LY86: variants seen among roughly 807,000 people sequenced by gnomAD.
The protein encoded by LY86 is MD-1, RP105-associated.
A neutral mutation model predicts 17.3 loss-of-function variants in LY86; 20 were observed. The ratio of observed to expected loss-of-function variants is 1.15; its 90% CI spans 0.81 to 1.68. The LOEUF (loss-of-function observed/expected upper bound fraction) is 1.68. LY86 is among the 40% of genes most tolerant of loss of function. The pLI, the probability that LY86 is intolerant of heterozygous loss-of-function variation, is 0.00. For missense variants in LY86, 200 were observed against 191.9 expected (o/e 1.04, Z -0.25); for synonymous variants, 74 against 70.6 (o/e 1.05, Z -0.24).
chr6:6,613,633 C>CA (rs2113123286), intron 1 of LY86, among the ~76,000 whole-genome samples: 1 of 152,338 alleles, frequency 6.6e-6, no homozygotes, highest in South Asian at 2.1e-4. Flanking sequence ...CTTCCCCCTT[C>CA]ATATCTCCCC....
intron 1 of LY86, among the ~76,000 whole-genome samples, chr6:6,623,931 T>A (rs1761731502): frequency 6.6e-6 from 1 of 152,060 alleles, no homozygotes; most frequent in South Asian, 2.1e-4. Flanking sequence ...AAGTGCAGAG[T>A]GATACATGTT....
chr6:6,623,747 T>C (rs982920890), intron 1 of LY86, among the ~76,000 whole-genome samples: 1 of 152,222 alleles, frequency 6.6e-6, no homozygotes, highest in African/African-American at 2.4e-5. Flanking sequence ...AAGGCTCAGC[T>C]ATTAGTACAA....
At chr6:6,634,657 G>C (rs1278850873) in intron 3 of LY86, among the ~76,000 whole-genome samples, 2 of 152,190 alleles carry the variant, frequency 1.3e-5, no homozygotes, top group African/African-American at 4.8e-5. Flanking sequence ...ACTAGGACCT[G>C]TGATCCTCCC....
chr6:6,597,353 A>G (rs1760746676), intron 1 of LY86, among the ~76,000 whole-genome samples: 1 of 152,162 alleles, frequency 6.6e-6, no homozygotes, highest in African/African-American at 2.4e-5. Flanking sequence ...TCCTAATTAG[A>G]GCAGTCAGAA....
chr6:6,630,103 CT>C (rs947869689), intron 3 of LY86, among the ~76,000 whole-genome samples: 1 of 152,074 alleles, frequency 6.6e-6, no homozygotes, highest in African/African-American at 2.4e-5. Flanking sequence ...TTATTTTTGT[CT>C]TTTTTGGAAA....
chr6:6,612,341 G>C (rs183734224), intron 1 of LY86, among the ~76,000 whole-genome samples: 22 of 152,336 alleles, frequency 1.4e-4, no homozygotes, highest in African/African-American at 5.1e-4. Flanking sequence ...CTCGCAGTAA[G>C]CATTACACTT....
chr6:6,597,425 C>T (rs1561775194), intron 1 of LY86, among the ~76,000 whole-genome samples: 2 of 152,188 alleles, frequency 1.3e-5, no homozygotes, highest in Admixed American at 1.3e-4. Flanking sequence ...CCTCCAAAAC[C>T]TGAACAAGGC....
intron 1 of LY86, chr6:6,622,724 T>C (rs1761707800): frequency 7.2e-6 from 1 of 138,284 alleles, no homozygotes; most frequent in Non-Finnish European, 1.6e-5. Context: ...ATGTGGATGA[T>C]AAAACTGTCT....
intron 1 of LY86, among the ~76,000 whole-genome samples, chr6:6,589,215 G>C (rs1434785002): frequency 1.3e-5 from 2 of 152,214 alleles, no homozygotes; most frequent in Non-Finnish European, 2.9e-5. Flanking sequence ...ATTAGGAAAA[G>C]CAGCTTCCAG....
intron 3 of LY86, among the ~76,000 whole-genome samples, chr6:6,640,880 T>C (rs970747865): frequency 1.3e-5 from 2 of 152,172 alleles, no homozygotes; most frequent in African/African-American, 4.8e-5. Flanking sequence ...TGTTTTCAAG[T>C]TGTAAATAAC....
At chr6:6,651,533 G>C (rs903861892) in intron 4 of LY86, among the ~76,000 whole-genome samples, 2 of 152,052 alleles carry the variant, frequency 1.3e-5, no homozygotes, top group East Asian at 3.8e-4. Flanking sequence ...TAGTATGAGG[G>C]CCCTAAACTC....
At chr6:6,606,616 C>T (rs1342869872) in intron 1 of LY86, among the ~76,000 whole-genome samples, 2 of 152,208 alleles carry the variant, frequency 1.3e-5, no homozygotes, top group Admixed American at 6.5e-5. Context: ...AGCCCTGCCA[C>T]GCGGGGAGGA....
intron 1 of LY86, among the ~76,000 whole-genome samples, chr6:6,605,935 T>C (rs1008302955): frequency 6.6e-6 from 1 of 152,154 alleles, no homozygotes; most frequent in Non-Finnish European, 1.5e-5. Flanking sequence ...ACCTTCACAG[T>C]ATGGGTTATA....
rs369059581 is a variant in LY86, at chr6:6,588,740, G to C, written c.6G>C (p.Lys2Asn). The C allele has an allele frequency of 6.2e-6, 10 of 1,613,948 alleles. No individual in the cohort carries two copies. The highest frequency in any genetic ancestry group is 8.5e-6 in the Non-Finnish European group (10 of 1,179,984). The change falls in exon 1 of 5, where the codon AAG becomes AAC. Residue 2 changes from lysine to asparagine, a missense_variant. Physicochemically the swap from Lys to Asn is moderately conservative, Grantham distance 94. Transcript: ENST00000230568. ...GTCCCATACAGGCCCCCACCATGAA[G>C]GGTTTCACAGCCACTCTCTTCCTCT... is the stretch of plus-strand genomic sequence containing the variant. The part of the protein sequence containing the change: M[K>N]GFTATLFLWT...
intron 1 of LY86, among the ~76,000 whole-genome samples, chr6:6,593,292 C>T (rs1372442815): frequency 6.6e-6 from 1 of 152,244 alleles, no homozygotes; most frequent in Non-Finnish European, 1.5e-5. Flanking sequence ...TTCCTTCTAT[C>T]ATCACATGGC....
At chr6:6,615,040 C>T (rs1358674032) in intron 1 of LY86, among the ~76,000 whole-genome samples, 2 of 152,170 alleles carry the variant, frequency 1.3e-5, no homozygotes, top group African/African-American at 2.4e-5. Context: ...CTTAGGACAT[C>T]TATGAAGGGG....
intron 3 of LY86, among the ~76,000 whole-genome samples, chr6:6,639,141 C>T (rs2064235): frequency 0.32 from 48,991 of 151,348 alleles, 8,039 homozygotes; most frequent in Middle Eastern, 0.42. Flanking sequence ...AGGGATGAAA[C>T]TGGAAATCAT....
chr6:6,617,455 A>G (rs1419584019), intron 1 of LY86, among the ~76,000 whole-genome samples: 2 of 152,206 alleles, frequency 1.3e-5, no homozygotes, highest in African/African-American at 4.8e-5. Flanking sequence ...TGAGACTATA[A>G]TGTGTTGACT....
chr6:6,636,781 T>C (rs889285446), intron 3 of LY86, among the ~76,000 whole-genome samples: 7 of 152,074 alleles, frequency 4.6e-5, no homozygotes, highest in Admixed American at 4.6e-4. Flanking sequence ...ACTTCAATGG[T>C]AGATTTCCTG....
Sources: allele counts gnomAD v4.1 joint callset (sites outside exome capture counted in the v4.1 genomes callset), GRCh38; gene constraint gnomAD v4.1.1; transcripts MANE v1.5; gene names NCBI Gene and HGNC (gene_info 2026-07-23, HGNC 2026-07-21).